The following TXLNG variants were observed in gnomAD, a reference collection of about 807,000 sequenced individuals.
TXLNG encodes the protein gamma-taxilin.
TXLNG carries 5 observed loss-of-function variants against 38.8 expected under a neutral mutation model. That is an observed-to-expected ratio of 0.13 (90% CI 0.07 to 0.27). The LOEUF (loss-of-function observed/expected upper bound fraction) is 0.27, where lower values mean the gene tolerates loss of function less well. Among genes scored for constraint, TXLNG ranks in the 10% least tolerant of loss-of-function variants. TXLNG has a pLI of 1.00. For missense variants in TXLNG, 393 were observed against 398.2 expected, an observed-to-expected ratio of 0.99 and a Z score of 0.11; for synonymous variants, 182 against 158.2, an observed-to-expected ratio of 1.15 and a Z score of -1.13.
intron 5 of TXLNG, among the ~76,000 whole-genome samples, chrX:16,830,813 A>T (rs1929366963): frequency 1.4e-5 from 1 of 72,413 alleles, no homozygotes; most frequent in African/African-American, 5.7e-5. Context: ...TGGCTTCAGC[A>T]GATGAAACCG....
intron 5 of TXLNG, among the ~76,000 whole-genome samples, chrX:16,832,385 G>A (rs1238553441): frequency 8.9e-6 from 1 of 112,317 alleles, no homozygotes; most frequent in East Asian, 2.8e-4. Context: ...CAGGGTGGGG[G>A]AACAGGCAAC....
At chrX:16,836,971 A>G (rs927988333) in intron 7 of TXLNG, among the ~76,000 whole-genome samples, 1 of 110,955 alleles carries the variant, frequency 9.0e-6, no homozygotes, top group Admixed American at 9.6e-5. Flanking sequence ...TTCCCCGTAT[A>G]CTTCTCTGGA....
intron 9 of TXLNG, chrX:16,840,490 T>A: frequency 1.3e-6 from 1 of 751,980 alleles, no homozygotes; most frequent in Non-Finnish European, 1.6e-6. Flanking sequence ...AACCTTGTTC[T>A]CGGCTGGGCA....
At chrX:16,826,790 G>C (rs1202637303) in intron 3 of TXLNG, among the ~76,000 whole-genome samples, 2 of 110,648 alleles carry the variant, frequency 1.8e-5, no homozygotes, top group Non-Finnish European at 3.8e-5. Flanking sequence ...AAATTAGCTG[G>C]GTGTGGTGGC....
At chrX:16,806,916 CAAAAA>C (rs1182577038) in intron 1 of TXLNG, among the ~76,000 whole-genome samples, 1 of 38,921 alleles carries the variant, frequency 2.6e-5, no homozygotes, top group Non-Finnish European at 4.7e-5. Flanking sequence ...GACTCTGTCT[CAAAAA>C]AAAAAAAAAA....
chrX:16,803,604 A>C (rs1388154218), intron 1 of TXLNG, among the ~76,000 whole-genome samples: 1 of 101,834 alleles, frequency 9.8e-6, no homozygotes, highest in Admixed American at 1.0e-4. Context: ...CGGCCTCCCA[A>C]AGTGCTGGGA....
At chrX:16,797,576 C>T (rs1927936898) in intron 1 of TXLNG, among the ~76,000 whole-genome samples, 1 of 112,498 alleles carries the variant, frequency 8.9e-6, no homozygotes, top group Non-Finnish European at 1.9e-5. Flanking sequence ...TGGCCGGAGG[C>T]CTTCCTTGGT....
intron 1 of TXLNG, among the ~76,000 whole-genome samples, chrX:16,788,879 G>A (rs1400186749): frequency 1.8e-5 from 2 of 110,904 alleles, no homozygotes; most frequent in Non-Finnish European, 3.8e-5. Flanking sequence ...TGTTGGCCAG[G>A]CTGGTCTTGA....
chrX:16,801,433 G>A (rs1370137321), intron 1 of TXLNG, among the ~76,000 whole-genome samples: 2 of 111,842 alleles, frequency 1.8e-5, no homozygotes, highest in East Asian at 2.8e-4. Context: ...TGATCCGCCC[G>A]CCTCGGCCTC....
In TXLNG at chrX:16,801,932, A is replaced by AT. The variant is rs1271281300; in HGVS notation, c.102+15352dup. On this transcript the variant is annotated intron_variant, in intron 1 of 9. Coordinates refer to ENST00000380122, the MANE Select transcript of TXLNG (RefSeq NM_018360.3). Reference sequence around the variant, plus strand: ...AAATAAGGGATACTTTTTATTAGTGATTTTTTTTTCTTTCTTTCTTTTTTT... The same window carrying AT: ...AAATAAGGGATACTTTTTATTAGTGATTTTTTTTTTCTTTCTTTCTTTTTTT... Among the ~76,000 whole-genome samples, 81 of 88,681 alleles carry AT rather than the reference A, an allele frequency of 9.1e-4. 1 individual carries two copies. The highest frequency in any genetic ancestry group is 2.9e-3 in the African/African-American group (71 of 24,246). The allele number at this position is 88,681 out of a possible 115,157, so 77.0% of individuals were successfully genotyped here.
At chrX:16,815,099 TTG>T (rs1308773682) in intron 1 of TXLNG, among the ~76,000 whole-genome samples, 1 of 111,643 alleles carries the variant, frequency 9.0e-6, no homozygotes, top group Non-Finnish European at 1.9e-5. Flanking sequence ...TTTTCTGGGA[TTG>T]TGTGGGTTTT....
rs1181790333 is a variant in TXLNG, at chrX:16,814,947, C to G, written c.103-3627C>G. Among the ~76,000 whole-genome samples, 16 of 111,944 alleles carry G rather than the reference C, an allele frequency of 1.4e-4. No homozygotes were observed. In the Admixed American group the frequency reaches 1.5e-3, roughly 11 times the overall value. ...ATAAATCGCTAATGGAACTGAAAAA[C>G]TACAAATGAACCAATCTCATTCCTC... On this transcript the variant is annotated intron_variant, in intron 1 of 9. Transcript: ENST00000380122.
At chrX:16,799,851 G>A (rs1029687588) in intron 1 of TXLNG, among the ~76,000 whole-genome samples, 7 of 112,143 alleles carry the variant, frequency 6.2e-5, no homozygotes, top group African/African-American at 2.3e-4. Context: ...AGCCTTGAAG[G>A]TATTCTGTTA....
intron 1 of TXLNG, among the ~76,000 whole-genome samples, chrX:16,813,583 G>A (rs1928615702): frequency 9.4e-6 from 1 of 106,132 alleles, no homozygotes; most frequent in African/African-American, 3.5e-5. Context: ...AGGAGGTTGA[G>A]GCTGCAGTAA....
chrX:16,803,306 C>A, intron 1 of TXLNG: 2 of 113,092 alleles, frequency 1.8e-5, no homozygotes, highest in South Asian at 6.2e-4. Flanking sequence ...CTGTCACTCT[C>A]ATGACATCAT....
intron 8 of TXLNG, chrX:16,839,396 GA>G (rs1929711164): frequency 8.9e-6 from 1 of 111,961 alleles, no homozygotes; most frequent in East Asian, 2.8e-4. Flanking sequence ...AGAATCTGAG[GA>G]ATTCGTTTAA....
chrX:16,822,409 G>A (rs1929009021), intron 3 of TXLNG, among the ~76,000 whole-genome samples: 1 of 111,404 alleles, frequency 9.0e-6, no homozygotes, highest in Non-Finnish European at 1.9e-5. Flanking sequence ...TCAGTTAGCT[G>A]GCATTCAGCA....
In TXLNG at chrX:16,841,705, G is replaced by A; in HGVS notation, c.1526G>A (p.Arg509Lys). The change falls in exon 10 of 10, where the codon AGA becomes AAA. Residue 509 changes from arginine to lysine, a missense_variant. Physicochemically the swap from Arg to Lys is conservative, Grantham distance 26. Transcript: ENST00000380122. The part of the protein sequence containing the change: ...AHLEAEPKSQ[R>K]SAVQKPPSTG... ...CTGGAGGCTGAGCCCAAGAGTCAGA[G>A]AAGCGCTGTGCAAAAGCCCCCGTCC... 1 of 1,212,101 alleles carries A rather than the reference G, an allele frequency of 8.3e-7. No homozygotes were observed. The highest frequency in any genetic ancestry group is 1.1e-6 in the Non-Finnish European group (1 of 895,620).
chrX:16,799,352 G>A (rs1458681571), intron 1 of TXLNG, among the ~76,000 whole-genome samples: 1 of 111,976 alleles, frequency 8.9e-6, no homozygotes, highest in Non-Finnish European at 1.9e-5. Flanking sequence ...CTTAATAAAT[G>A]TAGGTCTGAA....
Sources: allele counts gnomAD v4.1 joint callset (sites outside exome capture counted in the v4.1 genomes callset), GRCh38; gene constraint gnomAD v4.1.1; transcripts MANE v1.5; gene names NCBI Gene and HGNC (gene_info 2026-07-23, HGNC 2026-07-21).